The following PAK6 variants were observed in gnomAD, a reference collection of about 807,000 sequenced individuals.
PAK6 encodes p21 (RAC1) activated kinase 6.
A neutral mutation model predicts 60.8 loss-of-function variants in PAK6; 33 were observed. That is an observed-to-expected ratio of 0.54 (90% CI 0.41 to 0.73). The LOEUF is 0.73. Ranked by LOEUF, PAK6 falls within the 30% of genes least tolerant of loss-of-function variation. PAK6 has a pLI of 0.00. For missense variants in PAK6, 845 were observed against 904.1 expected (o/e 0.93, Z 0.84); for synonymous variants, 404 against 378.5 (o/e 1.07, Z -0.78).
intron 3 of PAK6, among the ~76,000 whole-genome samples, chr15:40,257,501 G>A (rs1047203361): frequency 5.3e-5 from 8 of 152,256 alleles, no homozygotes; most frequent in African/African-American, 1.2e-4. Flanking sequence ...GGTGAAAAGC[G>A]GGGTGACGGG....
exon 11 of PAK6, chr15:40,276,192 C>T: frequency 3.4e-6 from 4 of 1,179,438 alleles, no homozygotes; most frequent in Non-Finnish European, 4.9e-6. Flanking sequence ...TCTCAGTATT[C>T]TCTCCAAAGA....
At position 40,273,728 on chromosome 15, in the gene PAK6, C is replaced by T. The variant is rs780528982; in HGVS notation, c.1743+52C>T. On this transcript the variant is annotated intron_variant, in intron 9 of 10. Coordinates refer to ENST00000560346, the Ensembl canonical transcript of PAK6. ...CTCCCAAAAGCAACTTGGCAACTGG[C>T]AGCTCTTCTGCTGTGGCCCCTCCAG... 5.6e-6 allele frequency: 9 copies of T among 1,597,852 alleles called. No individual in the cohort carries two copies. In the Admixed American group the frequency reaches 1.2e-4, roughly 21 times the overall value.
chr15:40,253,092 C>T lies in PAK6; in HGVS notation c.-117-86C>T, dbSNP rs865867303. ...CGGGAGGCGGGCGCGGAGCGGTTCC[C>T]AGCGCCTGGACGTCAGCCAGTCGCA... On this transcript the variant is annotated intron_variant, in intron 2 of 10. Transcript: ENST00000560346. 17 of 412,560 alleles carry T rather than the reference C, an allele frequency of 4.1e-5. 1 individual carries two copies. Among genetic ancestry groups the T allele is most frequent in the South Asian group, 2.9e-4 (17 of 57,988 alleles). 25.6% of individuals were successfully genotyped at this position (412,560 alleles called of 1,614,324 possible).
chr15:40,266,644 T>C (rs1595594368), intron 5 of PAK6, 149 bp downstream of exon 5: 1 of 673,386 alleles, frequency 1.5e-6, no homozygotes, highest in Non-Finnish European at 2.3e-6. Context: ...TAACCTCTTC[T>C]CTAAGGAGGG....
intron 3 of PAK6, among the ~76,000 whole-genome samples, chr15:40,254,419 G>C (rs979496883): frequency 1.3e-5 from 2 of 152,222 alleles, no homozygotes; most frequent in African/African-American, 4.8e-5. Flanking sequence ...CGAGTAGTGA[G>C]AGACCCTAAT....
chr15:40,248,243 G>T (rs1324453080), intron 2 of PAK6, among the ~76,000 whole-genome samples: 1 of 152,222 alleles, frequency 6.6e-6, no homozygotes, highest in Non-Finnish European at 1.5e-5. Context: ...ATGCTCGGAG[G>T]TTCAGAGGTT....
exon 11 of PAK6, chr15:40,276,189 A>T: frequency 8.4e-7 from 1 of 1,190,936 alleles, no homozygotes; most frequent in Admixed American, 1.8e-5. Context: ...TCCTCTCAGT[A>T]TTCTCTCCAA....
chr15:40,273,375 G>C, exon 8 of PAK6: 2 of 1,614,002 alleles, frequency 1.2e-6, no homozygotes, highest in African/African-American at 2.7e-5. Flanking sequence ...GCCACTGTGT[G>C]TGAGGCTGTG....
chr15:40,252,914 T>A, intron 2 of PAK6: 1 of 1,142,854 alleles, frequency 8.8e-7, no homozygotes, highest in Non-Finnish European at 1.1e-6. Context: ...GGCGCAGCAG[T>A]GGGGCCTGCG....
chr15:40,258,533 G>A (rs2038898670), intron 3 of PAK6: 1 of 152,334 alleles, frequency 6.6e-6, no homozygotes, highest in African/African-American at 2.4e-5. Flanking sequence ...CACATAATAG[G>A]TGCTCAAGAA....
rs202233605 is a variant in PAK6 at position 40,272,474 on chromosome 15, C to T, written c.1109C>T (p.Pro370Leu). The T allele has an allele frequency of 7.1e-5, 115 of 1,613,690 alleles. No individual in the cohort carries two copies. The highest frequency in any genetic ancestry group is 9.3e-5 in the Non-Finnish European group (110 of 1,180,034). Residue 370 changes from proline to leucine, a missense_variant, in exon 6 of 11, where the codon CCC (proline) becomes CTC (leucine). Physicochemically the swap from Pro to Leu is moderately conservative, Grantham distance 98 (BLOSUM62 -3). Coordinates refer to ENST00000560346, the Ensembl canonical transcript of PAK6. ...AGCAACCTGTACCTGCCCCAGGACC[C>T]CACGGTTGCCAAGGGTGCCCTGGCT... is the stretch of plus-strand genomic sequence containing the variant.
At chr15:40,244,438 C>T (rs1312122427) in intron 2 of PAK6, among the ~76,000 whole-genome samples, 2 of 149,532 alleles carry the variant, frequency 1.3e-5, no homozygotes, top group Non-Finnish European at 3.0e-5. Context: ...GCTCTTGTTG[C>T]CCAGGCTGGA....
chr15:40,252,316 G>T (rs1389073733), intron 2 of PAK6: 1 of 1,246,092 alleles, frequency 8.0e-7, no homozygotes, highest in South Asian at 1.4e-5. Flanking sequence ...GTCTCCGCGA[G>T]GCGGCCACTG....
intron 5 of PAK6, among the ~76,000 whole-genome samples, chr15:40,267,998 C>A (rs1366007274): frequency 6.6e-6 from 1 of 152,152 alleles, no homozygotes; most frequent in East Asian, 1.9e-4. Context: ...GGGCTCCTGC[C>A]AGCACCCCAC....
At position 40,252,673 on chromosome 15, in the gene PAK6, T is replaced by G. The variant is rs751598210; in HGVS notation, c.-117-505T>G. The G allele has an allele frequency of 1.1e-5, 15 of 1,314,228 alleles. No homozygotes were observed. The South Asian group carries it at 1.8e-4, about 16-fold the overall frequency. The allele number at this position is 1,314,228 out of a possible 1,614,324, so 81.4% of individuals were successfully genotyped here. ...CTCCCACGACCTCTTCGAGCGTTCC[T>G]GGGCTTCCCGCTCCGCAGGTGGGTT... On this transcript the variant is annotated intron_variant, in intron 2 of 10. Transcript: ENST00000560346.
At chr15:40,248,556 T>C (rs976941887) in intron 2 of PAK6, among the ~76,000 whole-genome samples, 1 of 152,190 alleles carries the variant, frequency 6.6e-6, no homozygotes, top group African/African-American at 2.4e-5. Context: ...AGATGTGGGA[T>C]GCAGGAACTT....
chr15:40,265,414 C>G (rs1381417583), intron 4 of PAK6, among the ~76,000 whole-genome samples: 2 of 152,192 alleles, frequency 1.3e-5, no homozygotes, highest in East Asian at 3.9e-4. Flanking sequence ...GGGGCCCTAT[C>G]AGGGTTTGGA....
At chr15:40,253,760 A>T (rs1439569542) in intron 3 of PAK6, among the ~76,000 whole-genome samples, 1 of 152,238 alleles carries the variant, frequency 6.6e-6, no homozygotes, top group Non-Finnish European at 1.5e-5. Context: ...CTCATTCCCC[A>T]GATCTCCAGA....
intron 3 of PAK6, chr15:40,264,408 C>T (rs910596733): frequency 2.1e-6 from 1 of 466,940 alleles, no homozygotes; most frequent in African/African-American, 2.0e-5. Flanking sequence ...GCTAACTTTC[C>T]TCCCTCTTTC....
Sources: gnomAD v4.1 joint callset for allele counts (sites outside exome capture counted in the v4.1 genomes callset) on GRCh38, gnomAD v4.1.1 for gene constraint, MANE v1.5 for transcripts, NCBI Gene and HGNC (gene_info 2026-07-23, HGNC 2026-07-21) for gene names.